The following FSTL4 variants were observed in gnomAD, a reference collection of about 807,000 sequenced individuals.
The protein encoded by FSTL4 is follistatin like 4, also known as follistatin-related protein 4.
Under a neutral mutation model 78.2 loss-of-function variants are expected in FSTL4, and 28 were observed. The observed-to-expected ratio is 0.36, with a 90% CI of 0.27 to 0.49. The LOEUF is 0.49. Ranked by LOEUF, FSTL4 falls within the 20% of genes least tolerant of loss-of-function variation. The pLI is 0.98. For missense variants in FSTL4, 922 were observed against 1,084.9 expected (o/e 0.85, Z 2.11); for synonymous variants, 422 against 440.5 (o/e 0.96, Z 0.53).
At chr5:133,590,343 C>G (rs12521563) in intron 2 of FSTL4, among the ~76,000 whole-genome samples, 1 of 151,958 alleles carries the variant, frequency 6.6e-6, no homozygotes, top group Non-Finnish European at 1.5e-5. Context: ...ACAACAAAAA[C>G]CAAATTTTTA....
the FSTL4 span, among the ~76,000 whole-genome samples, chr5:133,735,586 G>A: frequency 1.8e-4 from 27 of 152,226 alleles, no homozygotes; most frequent in Admixed American, 6.5e-4. Flanking sequence ...TAATCGCTGC[G>A]GCTGCCTTCC....
the FSTL4 span, among the ~76,000 whole-genome samples, chr5:133,731,945 T>G: frequency 6.6e-6 from 1 of 152,180 alleles, no homozygotes; most frequent in Admixed American, 6.5e-5. Flanking sequence ...CACCAGCCCC[T>G]TTTTTCCAGA....
chr5:133,686,441 A>G, the FSTL4 span, among the ~76,000 whole-genome samples: 30 of 152,392 alleles, frequency 2.0e-4, no homozygotes, highest in East Asian at 5.6e-3. Flanking sequence ...TCAGTGCTTT[A>G]TAAGAGTTAC....
intron 2 of FSTL4, among the ~76,000 whole-genome samples, chr5:133,573,695 T>C (rs1352578513): frequency 6.6e-6 from 1 of 152,212 alleles, no homozygotes; most frequent in Non-Finnish European, 1.5e-5. Context: ...AGTAAGGATA[T>C]AGAAGAGTTG....
chr5:133,619,030 A>G, the FSTL4 span, among the ~76,000 whole-genome samples: 1 of 152,194 alleles, frequency 6.6e-6, no homozygotes, highest in Non-Finnish European at 1.5e-5. Flanking sequence ...ATAGAATGTC[A>G]GTTCCATTCA....
chr5:133,551,713 T>C (rs1360346300), intron 3 of FSTL4, among the ~76,000 whole-genome samples: 2 of 152,234 alleles, frequency 1.3e-5, no homozygotes, highest in Non-Finnish European at 2.9e-5. Flanking sequence ...TTAAAATGTC[T>C]CTTTTTCTAA....
At chr5:133,335,385 C>T (rs1485049211) in intron 4 of FSTL4, among the ~76,000 whole-genome samples, 4 of 152,020 alleles carry the variant, frequency 2.6e-5, no homozygotes, top group African/African-American at 9.7e-5. Flanking sequence ...TGGGACTCGA[C>T]CTTCACGGCC....
intron 3 of FSTL4, among the ~76,000 whole-genome samples, chr5:133,431,006 T>C (rs1394025212): frequency 1.3e-5 from 2 of 152,118 alleles, no homozygotes; most frequent in African/African-American, 4.8e-5. Flanking sequence ...GGACTTTTGA[T>C]GGAAAAAACA....
chr5:133,827,539 C>T, the FSTL4 span, among the ~76,000 whole-genome samples: 1 of 152,138 alleles, frequency 6.6e-6, no homozygotes, highest in African/African-American at 2.4e-5. Flanking sequence ...TGCAAATACT[C>T]TCTTATATAT....
At chr5:133,212,574 T>A (rs759893435) in intron 13 of FSTL4, among the ~76,000 whole-genome samples, 6 of 152,178 alleles carry the variant, frequency 3.9e-5, no homozygotes, top group Middle Eastern at 3.4e-3. Context: ...GATAGGTTGA[T>A]AGAACATATC....
At chr5:133,477,160 T>C (rs1757940630) in intron 3 of FSTL4, among the ~76,000 whole-genome samples, 1 of 152,134 alleles carries the variant, frequency 6.6e-6, no homozygotes. Context: ...TATGTTTAAA[T>C]GATTCAATAA....
At chr5:133,300,185 T>C (rs1035302463) in intron 6 of FSTL4, among the ~76,000 whole-genome samples, 1 of 152,130 alleles carries the variant, frequency 6.6e-6, no homozygotes, top group African/African-American at 2.4e-5. Context: ...AGCTGTACCT[T>C]GCACCTACTC....
chr5:133,217,419 C>T, intron 12 of FSTL4, 41 bp from the exon 13 acceptor site: 3 of 1,592,202 alleles, frequency 1.9e-6, no homozygotes, highest in Non-Finnish European at 2.6e-6. Context: ...CTTAATTGCC[C>T]TTTCCCTCCA....
intron 4 of FSTL4, among the ~76,000 whole-genome samples, chr5:133,344,991 C>T (rs1754666717): frequency 2.2e-5 from 3 of 136,070 alleles, no homozygotes; most frequent in Admixed American, 1.5e-4. Flanking sequence ...TTTTTTGAGA[C>T]GGAGTCTCGC....
Position 133,355,595 on chromosome 5 carries a change from G to T in FSTL4, c.410-38943C>A, listed in dbSNP as rs576620469. ...TGCTTGAACCTGGGAGGCGGAGGTT[G>T]TGGTGAGTCGAGATCGTGCCACTGC... On this transcript the variant is annotated intron_variant, in intron 4 of 15. Coordinates refer to ENST00000265342, the MANE Select transcript of FSTL4 (RefSeq NM_015082.2). Among the ~76,000 whole-genome samples, 256 of 152,330 alleles carry T rather than the reference G, an allele frequency of 1.7e-3. 2 individuals carry two copies. The highest frequency in any genetic ancestry group is 6.0e-3 in the African/African-American group (248 of 41,580).
chr5:133,240,121 G>A (rs1301683765), intron 7 of FSTL4, among the ~76,000 whole-genome samples: 1 of 152,200 alleles, frequency 6.6e-6, no homozygotes, highest in East Asian at 1.9e-4. Context: ...GTCTGCAGCT[G>A]CACTTCTGAA....
At chr5:133,683,548 C>G in the FSTL4 span, among the ~76,000 whole-genome samples, 1 of 152,166 alleles carries the variant, frequency 6.6e-6, no homozygotes, top group Non-Finnish European at 1.5e-5. Flanking sequence ...GAAGTCGGCA[C>G]GTTCACAGGC....
chr5:133,731,278 C>T, the FSTL4 span, among the ~76,000 whole-genome samples: 1 of 152,106 alleles, frequency 6.6e-6, no homozygotes. Context: ...CGAGCCCTGG[C>T]CTGAAGACAG....
At chr5:133,568,165 C>G (rs398606) in intron 2 of FSTL4, among the ~76,000 whole-genome samples, 65,737 of 151,842 alleles carry the variant, frequency 0.43, 14,612 homozygotes, top group African/African-American at 0.53. Context: ...CTGGTGAGAA[C>G]TAATGGGGGG....
Sources: allele counts gnomAD v4.1 joint callset (sites outside exome capture counted in the v4.1 genomes callset), GRCh38; gene constraint gnomAD v4.1.1; transcripts MANE v1.5; gene names NCBI Gene and HGNC (gene_info 2026-07-23, HGNC 2026-07-21).